RALYL: variants seen among roughly 807,000 people sequenced by gnomAD.
RALYL encodes the protein RNA-binding Raly-like protein.
RALYL carries 29 observed loss-of-function variants against 35.1 expected under a neutral mutation model. The ratio of observed to expected loss-of-function variants is 0.83; its 90% confidence interval spans 0.61 to 1.13. The LOEUF is 1.13. Among genes scored for constraint, RALYL ranks in the 50% most tolerant of loss-of-function variants. The pLI, the probability that RALYL is intolerant of heterozygous loss-of-function variation, is 0.00. For synonymous variants in RALYL, 120 were observed against 127.6 expected, an observed-to-expected ratio of 0.94 and a Z score of 0.40; for missense variants, 359 against 360.4, an observed-to-expected ratio of 1.00 and a Z score of 0.03.
intron 2 of RALYL, among the ~76,000 whole-genome samples, chr8:84,683,868 T>C (rs945533941): frequency 5.9e-5 from 9 of 152,124 alleles, no homozygotes; most frequent in African/African-American, 1.7e-4. Context: ...GTATATTAAG[T>C]AGAGACCAAG....
intron 2 of RALYL, among the ~76,000 whole-genome samples, chr8:84,691,345 T>A (rs1050944605): frequency 6.6e-6 from 1 of 152,038 alleles, no homozygotes; most frequent in African/African-American, 2.4e-5. Flanking sequence ...TGAGATAGAA[T>A]CTAGGGCACT....
At chr8:84,861,323 G>A (rs1838052042) in intron 5 of RALYL, among the ~76,000 whole-genome samples, 1 of 152,042 alleles carries the variant, frequency 6.6e-6, no homozygotes, top group African/African-American at 2.4e-5. Context: ...GACCTTTTAG[G>A]TTACTCAAAT....
chr8:84,673,485 A>G (rs555247947), intron 2 of RALYL, among the ~76,000 whole-genome samples: 113 of 152,262 alleles, frequency 7.4e-4, no homozygotes, highest in Non-Finnish European at 8.5e-4. Context: ...GTTGTCTTCC[A>G]GGATTTTTAT....
intron 5 of RALYL, among the ~76,000 whole-genome samples, chr8:84,850,431 G>T (rs1365796408): frequency 6.6e-6 from 1 of 152,216 alleles, no homozygotes; most frequent in Non-Finnish European, 1.5e-5. Flanking sequence ...GGTAGAGTCT[G>T]TAAAATTTAC....
chr8:84,659,693 T>C (rs1021180526), intron 2 of RALYL, among the ~76,000 whole-genome samples: 3 of 152,178 alleles, frequency 2.0e-5, no homozygotes, highest in African/African-American at 7.2e-5. Context: ...AAAGGAAATA[T>C]GATCATGTGG....
At chr8:84,260,816 G>A (rs895322565) in intron 1 of RALYL, among the ~76,000 whole-genome samples, 7 of 152,050 alleles carry the variant, frequency 4.6e-5, no homozygotes, top group African/African-American at 1.7e-4. Flanking sequence ...TATGAATGGT[G>A]TTTCTCCTCT....
chr8:84,580,932 C>G (rs1810681156), intron 2 of RALYL, among the ~76,000 whole-genome samples: 1 of 152,116 alleles, frequency 6.6e-6, no homozygotes, highest in African/African-American at 2.4e-5. Flanking sequence ...GGCTCAATAT[C>G]TGGGATCTAG....
chr8:84,364,362 C>A (rs190274144), intron 1 of RALYL, among the ~76,000 whole-genome samples: 2 of 152,078 alleles, frequency 1.3e-5, no homozygotes, highest in African/African-American at 4.8e-5. Flanking sequence ...AGATATTTAT[C>A]TGCTTTGACA....
At chr8:84,626,858 AGAGT>A (rs1437534778) in intron 2 of RALYL, among the ~76,000 whole-genome samples, 1 of 152,192 alleles carries the variant, frequency 6.6e-6, no homozygotes, top group African/African-American at 2.4e-5. Flanking sequence ...GTTTTAGAAG[AGAGT>A]AACAATAAAT....
At chr8:84,252,204 C>T (rs1308935278) in intron 1 of RALYL, among the ~76,000 whole-genome samples, 1 of 152,068 alleles carries the variant, frequency 6.6e-6, no homozygotes, top group African/African-American at 2.4e-5. Context: ...TCCGCATTTT[C>T]ACTGTTTTCA....
At chr8:84,559,651 CTAAT>C (rs1297846618) in intron 2 of RALYL, among the ~76,000 whole-genome samples, 2 of 151,872 alleles carry the variant, frequency 1.3e-5, no homozygotes, top group Non-Finnish European at 2.9e-5. Context: ...AATATGATTA[CTAAT>C]TAAAGAGTAA....
At chr8:84,522,215 T>C (rs1409413584) in intron 1 of RALYL, among the ~76,000 whole-genome samples, 1 of 151,966 alleles carries the variant, frequency 6.6e-6, no homozygotes, top group Non-Finnish European at 1.5e-5. Context: ...ATTTTATATC[T>C]TTAATGCTTT....
chr8:84,538,733 C>T (rs1181224964), intron 2 of RALYL, among the ~76,000 whole-genome samples: 2 of 151,830 alleles, frequency 1.3e-5, no homozygotes, highest in Non-Finnish European at 2.9e-5. Flanking sequence ...GATCAAATAC[C>T]ATAAAAGGAT....
chr8:84,599,954 T>A (rs1249319580), intron 2 of RALYL, among the ~76,000 whole-genome samples: 2 of 150,720 alleles, frequency 1.3e-5, no homozygotes, highest in African/African-American at 4.9e-5. Flanking sequence ...TCTGTAAAAG[T>A]ATGAACTCTC....
intron 4 of RALYL, among the ~76,000 whole-genome samples, chr8:84,840,833 AT>A (rs1347634540): frequency 6.6e-6 from 1 of 152,200 alleles, no homozygotes; most frequent in Non-Finnish European, 1.5e-5. Context: ...AAAGAAAAGA[AT>A]TTTCAACTCA....
chr8:84,391,124 A>G (rs1860589657), intron 1 of RALYL, among the ~76,000 whole-genome samples: 1 of 151,972 alleles, frequency 6.6e-6, no homozygotes, highest in Non-Finnish European at 1.5e-5. Flanking sequence ...TGAAAAGAAG[A>G]CAAGTCAGAA....
intron 1 of RALYL, among the ~76,000 whole-genome samples, chr8:84,277,516 C>G (rs1360522023): frequency 6.6e-6 from 1 of 152,146 alleles, no homozygotes; most frequent in Admixed American, 6.5e-5. Context: ...CAACAGTCCC[C>G]CAAAGTCTTA....
intron 1 of RALYL, among the ~76,000 whole-genome samples, chr8:84,351,626 G>A (rs1042869295): frequency 4.1e-5 from 6 of 146,664 alleles, no homozygotes; most frequent in South Asian, 4.3e-4. Context: ...TTGTTAATTC[G>A]ATTTTTTTTC....
At chr8:84,875,621 T>C (rs531725101) in intron 7 of RALYL, among the ~76,000 whole-genome samples, 22 of 152,298 alleles carry the variant, frequency 1.4e-4, no homozygotes, top group African/African-American at 4.8e-4. Context: ...CTTTTAGTAA[T>C]TGTTTCCTGA....
Sources: allele counts gnomAD v4.1 joint callset (sites outside exome capture counted in the v4.1 genomes callset), GRCh38; gene constraint gnomAD v4.1.1; transcripts MANE v1.5; gene names NCBI Gene and HGNC (gene_info 2026-07-23, HGNC 2026-07-21).